The following PDE4D variants were observed in gnomAD, a reference collection of about 807,000 sequenced individuals.
The protein encoded by PDE4D is 3',5'-cyclic-AMP phosphodiesterase 4D.
A neutral mutation model predicts 87.4 loss-of-function variants in PDE4D; 24 were observed. The ratio of observed to expected loss-of-function variants is 0.27; its 90% CI spans 0.20 to 0.39. The LOEUF is 0.39. Ranked by LOEUF, PDE4D falls within the 10% of genes least tolerant of loss-of-function variation. The pLI, the probability that PDE4D is intolerant of heterozygous loss-of-function variation, is 1.00. For missense variants in PDE4D, 714 were observed against 1,041.0 expected (o/e 0.69, Z 4.32); for synonymous variants, 384 against 383.2 (o/e 1.00, Z -0.02).
At chr5:60,411,733 C>T (rs759551301) in intron 1 of PDE4D, among the ~76,000 whole-genome samples, 17 of 152,022 alleles carry the variant, frequency 1.1e-4, no homozygotes, top group Non-Finnish European at 1.8e-4. Flanking sequence ...TGAAGGAAAA[C>T]GTGAGTGAAA....
intron 1 of PDE4D, among the ~76,000 whole-genome samples, chr5:60,426,684 A>C (rs1743751266): frequency 6.6e-6 from 1 of 152,192 alleles, no homozygotes; most frequent in South Asian, 2.1e-4. Flanking sequence ...GCATAATTTA[A>C]AAAAATGAAA....
At chr5:59,222,156 G>A (rs1417843646) in intron 1 of PDE4D, among the ~76,000 whole-genome samples, 1 of 152,114 alleles carries the variant, frequency 6.6e-6, no homozygotes, top group Admixed American at 6.6e-5. Flanking sequence ...TCTCCACACT[G>A]TTCCATTTCA....
intron 1 of PDE4D, among the ~76,000 whole-genome samples, chr5:60,226,330 A>C (rs1745098431): frequency 6.6e-6 from 1 of 152,116 alleles, no homozygotes. Flanking sequence ...ATAAAAACAA[A>C]GTACTAGACT....
intron 3 of PDE4D, among the ~76,000 whole-genome samples, chr5:59,981,834 C>A (rs1046431886): frequency 3.9e-5 from 6 of 152,118 alleles, no homozygotes; most frequent in Admixed American, 1.3e-4. Context: ...TGTGTCTGAT[C>A]CAGCCTTCTG....
At chr5:60,362,584 A>G (rs1895412) in intron 1 of PDE4D, among the ~76,000 whole-genome samples, 21,131 of 152,182 alleles carry the variant, frequency 0.14, 2,032 homozygotes, top group African/African-American at 0.27. Flanking sequence ...CTGGCTAGGC[A>G]CAGTGGCTCA....
At chr5:59,869,125 G>T (rs950124026) in intron 1 of PDE4D, among the ~76,000 whole-genome samples, 1 of 152,124 alleles carries the variant, frequency 6.6e-6, no homozygotes, top group African/African-American at 2.4e-5. Context: ...TGGAGCTGAC[G>T]ATCTGGCTAA....
In PDE4D at chr5:59,200,670, TAG is replaced by T. The variant is rs1561692310; in HGVS notation, c.648-7136_648-7135del. Among the ~76,000 whole-genome samples, 123 of 16,428 alleles carry T rather than the reference TAG, an allele frequency of 7.5e-3. 13 individuals carry two copies. The highest frequency in any genetic ancestry group is 0.025 in the African/African-American group (110 of 4,400). 10.8% of individuals were successfully genotyped at this position (16,428 alleles called of 152,430 possible). ...ACGTATACATACATATGTGTATGTA[TAG>T]ATACACGTATACATACATATGTGTA... On this transcript the variant is annotated intron_variant, in intron 2 of 14. Transcript: ENST00000340635.
At chr5:60,226,157 A>C (rs949886664) in intron 1 of PDE4D, among the ~76,000 whole-genome samples, 5 of 152,126 alleles carry the variant, frequency 3.3e-5, no homozygotes, top group African/African-American at 1.2e-4. Context: ...AAGTATTTGG[A>C]TATTTCTTGA....
rs115123223 is a variant in PDE4D at position 59,347,881 on chromosome 5, G to T, written c.456-131913C>A. Among the ~76,000 whole-genome samples, 836 of 152,218 alleles carry T rather than the reference G, an allele frequency of 5.5e-3. 13 individuals are homozygous for T. Among genetic ancestry groups the T allele is most frequent in the African/African-American group, 0.019 (800 of 41,538 alleles). On this transcript the variant is annotated intron_variant, in intron 1 of 14. Coordinates refer to ENST00000340635, the MANE Select transcript of PDE4D (RefSeq NM_001104631.2). ...GAGTTTCAGGCCTAGAACTACAAATGTACTCACAGATGTATGGAATGGATA... is the reference window on the plus strand; with the variant it reads ...GAGTTTCAGGCCTAGAACTACAAATTTACTCACAGATGTATGGAATGGATA...
chr5:59,207,650 A>G (rs1749099633), intron 2 of PDE4D, among the ~76,000 whole-genome samples: 1 of 152,088 alleles, frequency 6.6e-6, no homozygotes, highest in South Asian at 2.1e-4. Flanking sequence ...TCAGTGTCTC[A>G]TAGGATTGTG....
chr5:60,184,145 C>T (rs1784595596), intron 2 of PDE4D, among the ~76,000 whole-genome samples: 1 of 152,170 alleles, frequency 6.6e-6, no homozygotes, highest in African/African-American at 2.4e-5. Context: ...CTTAAAGTCA[C>T]CGCTCAGTTA....
chr5:59,200,329 G>A (rs1746877563), intron 2 of PDE4D, among the ~76,000 whole-genome samples: 1 of 120,152 alleles, frequency 8.3e-6, no homozygotes, highest in Non-Finnish European at 1.7e-5. Flanking sequence ...ATACATACAC[G>A]TGTATGTACA....
chr5:59,406,887 A>T (rs891835812), intron 1 of PDE4D, among the ~76,000 whole-genome samples: 1 of 151,994 alleles, frequency 6.6e-6, no homozygotes, highest in African/African-American at 2.4e-5. Flanking sequence ...TTTTATATCA[A>T]CCTAATCATC....
intron 1 of PDE4D, among the ~76,000 whole-genome samples, chr5:59,861,272 T>C (rs2152727895): frequency 6.6e-6 from 1 of 152,278 alleles, no homozygotes; most frequent in African/African-American, 2.4e-5. Flanking sequence ...TAGCAGAAAT[T>C]TAAGAATCAA....
intron 1 of PDE4D, among the ~76,000 whole-genome samples, chr5:60,225,844 G>C (rs920664389): frequency 1.3e-5 from 2 of 152,054 alleles, no homozygotes; most frequent in Non-Finnish European, 2.9e-5. Flanking sequence ...GAAAAACTGA[G>C]GCACAGAATG....
intron 1 of PDE4D, among the ~76,000 whole-genome samples, chr5:59,360,426 T>C (rs35283): frequency 0.33 from 50,611 of 152,004 alleles, 8,682 homozygotes; most frequent in East Asian, 0.39. Flanking sequence ...GAAGTTAATG[T>C]GGAAGCAAAT....
intron 1 of PDE4D, among the ~76,000 whole-genome samples, chr5:59,782,175 T>TAG (rs1764703632): frequency 6.6e-6 from 1 of 152,206 alleles, no homozygotes; most frequent in Non-Finnish European, 1.5e-5. Context: ...AACTCTAAAA[T>TAG]ACTGCTGCTT....
intron 1 of PDE4D, among the ~76,000 whole-genome samples, chr5:59,240,537 C>G (rs1250401979): frequency 6.6e-6 from 1 of 152,100 alleles, no homozygotes; most frequent in Non-Finnish European, 1.5e-5. Flanking sequence ...ACACTAAGCT[C>G]AGCTCAAGAC....
intron 1 of PDE4D, among the ~76,000 whole-genome samples, chr5:59,749,687 G>C (rs1359395259): frequency 1.3e-5 from 2 of 152,064 alleles, no homozygotes; most frequent in Admixed American, 1.3e-4. Context: ...AACTGTCTCA[G>C]GTCTTTTCTC....
Sources: gnomAD v4.1 joint callset for allele counts (sites outside exome capture counted in the v4.1 genomes callset) on GRCh38, gnomAD v4.1.1 for gene constraint, MANE v1.5 for transcripts, NCBI Gene and HGNC (gene_info 2026-07-23, HGNC 2026-07-21) for gene names.